Variants in NANS observed in about 807,000 individuals in gnomAD.
NANS encodes the protein N-acetylneuraminate synthase.
Under a neutral mutation model 33.3 loss-of-function variants are expected in NANS, and 29 were observed. That is an observed-to-expected ratio of 0.87 (90% CI 0.65 to 1.19). The LOEUF (loss-of-function observed/expected upper bound fraction) is 1.19. Among genes scored for constraint, NANS ranks in the 50% most tolerant of loss-of-function variants. NANS has a pLI of 0.00. For missense variants in NANS, 394 were observed against 461.1 expected (o/e 0.85, Z 1.33); for synonymous variants, 163 against 177.2 (o/e 0.92, Z 0.64).
At chr9:98,076,008 T>C (rs1829574382) in intron 2 of NANS, 1 of 152,110 alleles carries the variant, frequency 6.6e-6, no homozygotes. Context: ...AGAAGGATGT[T>C]GAAGAGCACT....
chr9:98,080,875 A>G lies in NANS; in HGVS notation c.663A>G (p.Ile221Met), dbSNP rs762985819. Reference sequence around the variant, plus strand: ...GGTATTCTGGGCATGAAACAGGCATAGCGATATCTGTGGCCGCAGTGGCTC... The same window carrying G: ...GGTATTCTGGGCATGAAACAGGCATGGCGATATCTGTGGCCGCAGTGGCTC... ...PIGYSGHETG[I>M]AISVAAVALG... The change falls in exon 5 of 6, where the codon ATA becomes ATG. Residue 221 changes from isoleucine (I) to methionine (M), a missense_variant. Transcript: ENST00000210444. 6.2e-7 allele frequency: 1 copy of G among 1,613,966 alleles called. No individual in the cohort carries two copies. Among genetic ancestry groups the G allele is most frequent in the Non-Finnish European group, 8.5e-7 (1 of 1,179,864 alleles).
At chr9:98,078,877 G>A (rs1301235321) in intron 4 of NANS, among the ~76,000 whole-genome samples, 1 of 149,642 alleles carries the variant, frequency 6.7e-6, no homozygotes, top group Non-Finnish European at 1.5e-5. Flanking sequence ...ACAGACATTT[G>A]GGATGATTTT....
intron 1 of NANS, among the ~76,000 whole-genome samples, chr9:98,057,902 GT>G (rs60923228): frequency 0.6 from 55,885 of 93,020 alleles, 15,959 homozygotes; most frequent in African/African-American, 0.82. Flanking sequence ...TTCTCTTACT[GT>G]TTTTTTTTTT....
intron 2 of NANS, 137 bp from the exon 3 acceptor site, chr9:98,076,781 G>A: frequency 1.5e-6 from 1 of 654,280 alleles, no homozygotes; most frequent in Non-Finnish European, 2.6e-6. Flanking sequence ...ACAAATCTTT[G>A]CCTGCTTTCA....
intron 3 of NANS, among the ~76,000 whole-genome samples, chr9:98,077,563 T>G (rs916713216): frequency 2.0e-5 from 3 of 152,046 alleles, no homozygotes; most frequent in Non-Finnish European, 4.4e-5. Flanking sequence ...ACAGTATATA[T>G]AAAACCTAGC....
At chr9:98,074,521 C>G (rs1006254434) in intron 2 of NANS, 1 of 152,204 alleles carries the variant, frequency 6.6e-6, no homozygotes, top group Non-Finnish European at 1.5e-5. Context: ...TACTCAGATT[C>G]CCTTTGCCCG....
At chr9:98,070,408 G>A (rs957774202) in intron 2 of NANS, among the ~76,000 whole-genome samples, 2 of 151,936 alleles carry the variant, frequency 1.3e-5, no homozygotes, top group Admixed American at 1.3e-4. Flanking sequence ...GTGAGCCACC[G>A]TGCCCAGCTT....
intron 2 of NANS, among the ~76,000 whole-genome samples, chr9:98,064,812 C>CA (rs2131625861): frequency 6.6e-6 from 1 of 152,310 alleles, no homozygotes; most frequent in East Asian, 1.9e-4. Context: ...CGTAGACTCC[C>CA]ACTGTGAATG....
intron 5 of NANS, 111 bp downstream of exon 5, chr9:98,081,193 A>T: frequency 6.9e-7 from 1 of 1,440,928 alleles, no homozygotes; most frequent in South Asian, 1.3e-5. Context: ...TGATGAAATG[A>T]TCAGTGAATG....
intron 2 of NANS, among the ~76,000 whole-genome samples, chr9:98,062,619 A>T (rs1008125066): frequency 3.3e-4 from 50 of 152,250 alleles, no homozygotes; most frequent in African/African-American, 1.1e-3. Context: ...TTTAGTGAAC[A>T]TCGAGTTCTG....
intron 2 of NANS, among the ~76,000 whole-genome samples, chr9:98,072,776 G>A (rs1829400594): frequency 6.6e-6 from 1 of 152,130 alleles, no homozygotes; most frequent in East Asian, 1.9e-4. Context: ...ACTGTTGGAG[G>A]TAGATTGGTT....
intron 1 of NANS, among the ~76,000 whole-genome samples, chr9:98,059,325 CAAG>C (rs1564154856): frequency 6.6e-6 from 1 of 152,116 alleles, no homozygotes; most frequent in Non-Finnish European, 1.5e-5. Flanking sequence ...GCCCGGCAGC[CAAG>C]AAGTTTTTAA....
In NANS at chr9:98,061,084, C is replaced by G. The variant is rs143088561; in HGVS notation, c.348+87C>G. ...GGTGACTTCCGGCTTAGGGCCACCT[C>G]CAGCCCTTGCTCATCCTTTCTGTTC... On this transcript the variant is annotated intron_variant, in intron 2 of 5. Transcript: ENST00000210444. The G allele has an allele frequency of 1.1e-4, 137 of 1,256,214 alleles. No individual in the cohort carries two copies. The African/African-American group carries it at 1.9e-3, about 17-fold the overall frequency. The allele number at this position is 1,256,214 out of a possible 1,614,324, so 77.8% of individuals were successfully genotyped here. A position where few individuals can be genotyped will look rare whatever the true frequency, so the allele number is the denominator to read the frequency against.
At chr9:98,067,725 C>CT (rs377486473) in intron 2 of NANS, among the ~76,000 whole-genome samples, 101 of 148,178 alleles carry the variant, frequency 6.8e-4, no homozygotes, top group East Asian at 4.5e-3. Flanking sequence ...TTTTCACTTT[C>CT]TTTTTTTTTT....
At chr9:98,059,459 G>A (rs1828914565) in intron 1 of NANS, among the ~76,000 whole-genome samples, 1 of 152,166 alleles carries the variant, frequency 6.6e-6, no homozygotes, top group South Asian at 2.1e-4. Context: ...CTGTTGCTCA[G>A]GCTGGAGTGC....
At chr9:98,064,949 C>T (rs912526395) in intron 2 of NANS, among the ~76,000 whole-genome samples, 7 of 152,064 alleles carry the variant, frequency 4.6e-5, no homozygotes, top group East Asian at 1.9e-4. Context: ...TTTAAACCTA[C>T]GTAAAAAGGT....
chr9:98,061,899 G>A (rs1828995417), intron 2 of NANS, among the ~76,000 whole-genome samples: 1 of 151,890 alleles, frequency 6.6e-6, no homozygotes, highest in Admixed American at 6.6e-5. Flanking sequence ...CACCCCAGCT[G>A]GGCCAGGTTT....
intron 2 of NANS, among the ~76,000 whole-genome samples, chr9:98,063,150 A>G (rs1451552955): frequency 6.7e-6 from 1 of 150,054 alleles, no homozygotes; most frequent in African/African-American, 2.5e-5. Flanking sequence ...CTGATCTCAA[A>G]CTCCTGACCT....
At chr9:98,065,932 C>T (rs1271940771) in intron 2 of NANS, among the ~76,000 whole-genome samples, 2 of 152,088 alleles carry the variant, frequency 1.3e-5, no homozygotes, top group African/African-American at 4.8e-5. Context: ...TGAGACCTGC[C>T]CAGCCATGTG....
Sources: allele counts gnomAD v4.1 joint callset (sites outside exome capture counted in the v4.1 genomes callset), GRCh38; gene constraint gnomAD v4.1.1; transcripts MANE v1.5; gene names NCBI Gene and HGNC (gene_info 2026-07-23, HGNC 2026-07-21).